Variants in ATRX observed in about 807,000 individuals in gnomAD.
ATRX encodes ATRX chromatin remodeler.
Under a neutral mutation model 172.6 loss-of-function variants are expected in ATRX, and 12 were observed. The ratio of observed to expected loss-of-function variants is 0.07; its 90% CI spans 0.04 to 0.11. The LOEUF is 0.11. Ranked by LOEUF, ATRX falls within the 10% of genes least tolerant of loss-of-function variation. The pLI is 1.00. For synonymous variants in ATRX, 674 were observed against 594.7 expected, an observed-to-expected ratio of 1.13 and a Z score of -1.94; for missense variants, 1,368 against 1,767.4, an observed-to-expected ratio of 0.77 and a Z score of 4.05.
chrX:77,649,622 G>A (rs1557115728), intron 15 of ATRX, among the ~76,000 whole-genome samples: 2 of 111,721 alleles, frequency 1.8e-5, no homozygotes, highest in Non-Finnish European at 3.8e-5. Flanking sequence ...GACCCAGTGG[G>A]AGGTAATTGA....
chrX:77,762,515 T>C (rs1409921006), intron 1 of ATRX, among the ~76,000 whole-genome samples: 1 of 110,787 alleles, frequency 9.0e-6, no homozygotes, highest in Non-Finnish European at 1.9e-5. Flanking sequence ...ACTGGAACCA[T>C]AGAGACTATG....
At chrX:77,582,885 A>G (rs2065877215) in intron 27 of ATRX, among the ~76,000 whole-genome samples, 1 of 111,885 alleles carries the variant, frequency 8.9e-6, no homozygotes, top group Non-Finnish European at 1.9e-5. Context: ...CCCAGGACCC[A>G]ATAGCTTCAC....
rs782581756 is a variant in ATRX, at chrX:77,578,648, T to C, written c.6218-4290A>G. Among the ~76,000 whole-genome samples the C allele has an allele frequency of 2.7e-5, 3 of 112,080 alleles. No individual in the cohort carries two copies. In the East Asian group the frequency reaches 8.5e-4, roughly 32 times the overall value. ...ATCATCAGCAGCAATAACCAGGTAG[T>C]ACACATTGTGGGGCATGGATTAGAC... is the stretch of plus-strand genomic sequence containing the variant. On this transcript the variant is annotated intron_variant, in intron 27 of 34. Transcript: ENST00000373344.
intron 30 of ATRX, among the ~76,000 whole-genome samples, chrX:77,531,390 A>C (rs1557046318): frequency 8.9e-6 from 1 of 112,166 alleles, no homozygotes; most frequent in African/African-American, 3.2e-5. Context: ...AAATAATGGC[A>C]AACTGAATGA....
At chrX:77,706,319 T>G (rs1320241134) in intron 2 of ATRX, among the ~76,000 whole-genome samples, 1 of 110,223 alleles carries the variant, frequency 9.1e-6, no homozygotes, top group African/African-American at 3.3e-5. Context: ...GCAAGACCAT[T>G]CAATGAAGAA....
At position 77,693,767 on chromosome X, in the gene ATRX, T is replaced by G. The variant is rs782659412; in HGVS notation, c.484+57A>C. ...TATTTTTAGTAAGCACATCCGATTTTCCAATATGGTCATAAACAGCAATTT... is the reference window on the plus strand; with the variant it reads ...TATTTTTAGTAAGCACATCCGATTTGCCAATATGGTCATAAACAGCAATTT... On this transcript the variant is annotated intron_variant, in intron 6 of 34. Coordinates refer to ENST00000373344, the MANE Select transcript of ATRX (RefSeq NM_000489.6). 1.6e-4 allele frequency: 155 copies of G among 979,466 alleles called. No individual in the cohort carries two copies. In the Admixed American group the frequency reaches 3.4e-3, roughly 22 times the overall value. 80.7% of individuals were successfully genotyped at this position (979,466 alleles called of 1,213,427 possible). A position where few individuals can be genotyped will look rare whatever the true frequency, so the allele number is the denominator to read the frequency against.
At position 77,507,136 on chromosome X, in the gene ATRX, G is replaced by C. The variant is rs782336698; in HGVS notation, c.*1215C>G. On this transcript the variant is annotated 3_prime_UTR_variant, in exon 35 of 35. Coordinates refer to ENST00000373344, the MANE Select transcript of ATRX (RefSeq NM_000489.6). ...TTCTAGTAAAACTTCTAGTAAAGGG[G>C]TATTGGATGAATTAATTTTGATTTA... The C allele has an allele frequency of 1.9e-4, 32 of 167,715 alleles. No homozygotes were observed. The highest frequency in any genetic ancestry group is 2.9e-4 in the Non-Finnish European group (26 of 88,925). 13.8% of individuals were successfully genotyped at this position (167,715 alleles called of 1,213,427 possible). A position where few individuals can be genotyped will look rare whatever the true frequency, so the allele number is the denominator to read the frequency against.
intron 3 of ATRX, 65 bp from the exon 4 acceptor site, chrX:77,697,700 A>AT: frequency 1.0e-6 from 1 of 984,318 alleles, no homozygotes; most frequent in Non-Finnish European, 1.4e-6. Context: ...ACAATTAGCT[A>AT]TTTCCCTATA....
chrX:77,620,438 C>T lies in ATRX; in HGVS notation c.5229G>A (p.Arg1743=), dbSNP rs2067531730. The T allele has an allele frequency of 4.1e-6, 5 of 1,208,584 alleles. No individual in the cohort carries two copies. Among genetic ancestry groups the T allele is most frequent in the Non-Finnish European group, 5.6e-6 (5 of 892,957 alleles). ...GAAGTGGTGTTCCTGTTAAAATAAT[C>T]CTCCTCCTTGATCGTATAGAATTCA... The part of the protein sequence containing the change: ...KAMNSIRSRR[R]IILTGTPLQN... The change falls in exon 20 of 35, where the codon AGG becomes AGA. Residue 1743 remains arginine, a synonymous_variant. Transcript: ENST00000373344.
intron 6 of ATRX, 83 bp from the exon 7 acceptor site, chrX:77,689,010 A>G: frequency 1.4e-6 from 1 of 740,376 alleles, no homozygotes; most frequent in Non-Finnish European, 2.1e-6. Flanking sequence ...TAACTTTTGT[A>G]TTAGACATGA....
intron 7 of ATRX, among the ~76,000 whole-genome samples, chrX:77,687,047 G>A (rs2071608810): frequency 9.5e-6 from 1 of 104,815 alleles, no homozygotes; most frequent in South Asian, 4.5e-4. Context: ...CCAGCTACTC[G>A]AGAGGCTGAG....
At chrX:77,652,073 T>C (rs2148434522) in intron 15 of ATRX, 41 bp downstream of exon 15, 1 of 1,195,812 alleles carries the variant, frequency 8.4e-7, no homozygotes, top group Non-Finnish European at 1.1e-6. Context: ...AGCAAGACCC[T>C]GTAGCTACAA....
At chrX:77,666,152 T>A (rs1226948507) in intron 10 of ATRX, among the ~76,000 whole-genome samples, 1 of 112,069 alleles carries the variant, frequency 8.9e-6, no homozygotes, top group Non-Finnish European at 1.9e-5. Flanking sequence ...CTCAAACAGA[T>A]GGATCAGGAA....
At chrX:77,758,315 G>A (rs926155798) in intron 1 of ATRX, among the ~76,000 whole-genome samples, 6 of 105,315 alleles carry the variant, frequency 5.7e-5, no homozygotes, top group Non-Finnish European at 7.8e-5. Context: ...GCTTGAACCC[G>A]GGACACGGAG....
chrX:77,637,044 G>GAGGAGGAAGAAGAAAGAAGA (rs1557108686), intron 15 of ATRX, among the ~76,000 whole-genome samples: 5 of 108,302 alleles, frequency 4.6e-5, no homozygotes, highest in African/African-American at 1.7e-4. Context: ...GAGGAGGAAG[G>GAGGAGGAAGAAGAAAGAAGA]AGGAGGAAGA....
At chrX:77,756,404 GA>G (rs1267744090) in intron 1 of ATRX, among the ~76,000 whole-genome samples, 45 of 101,467 alleles carry the variant, frequency 4.4e-4, no homozygotes, top group Non-Finnish European at 6.7e-4. Flanking sequence ...TGAAGAGGGG[GA>G]AAAAAAAAAA....
At chrX:77,566,534 C>T (rs923055119) in intron 28 of ATRX, among the ~76,000 whole-genome samples, 57 of 112,181 alleles carry the variant, frequency 5.1e-4, no homozygotes, top group African/African-American at 1.8e-3. Context: ...AGGTGGATCA[C>T]TTGAGCTCAG....
chrX:77,547,247 A>G (rs1443797103), intron 30 of ATRX, among the ~76,000 whole-genome samples: 7 of 111,265 alleles, frequency 6.3e-5, no homozygotes, highest in Admixed American at 3.9e-4. Context: ...ACTCTCCCCA[A>G]TAGAATCTTG....
chrX:77,668,029 G>C (rs1422724518), intron 10 of ATRX, among the ~76,000 whole-genome samples: 1 of 111,748 alleles, frequency 8.9e-6, no homozygotes, highest in Non-Finnish European at 1.9e-5. Context: ...GAATCATTTT[G>C]CATAAGTTAT....
Sources: allele counts gnomAD v4.1 joint callset (sites outside exome capture counted in the v4.1 genomes callset), GRCh38; gene constraint gnomAD v4.1.1; transcripts MANE v1.5; gene names NCBI Gene and HGNC (gene_info 2026-07-23, HGNC 2026-07-21).